The following NIPAL2 variants were observed in gnomAD, a reference collection of about 807,000 sequenced individuals.
The protein encoded by NIPAL2 is NIPA-like protein 2.
A neutral mutation model predicts 48.9 loss-of-function variants in NIPAL2; 43 were observed. The ratio of observed to expected loss-of-function variants is 0.88; its 90% CI spans 0.69 to 1.13. NIPAL2 has a LOEUF of 1.13. NIPAL2 is among the 50% of genes most tolerant of loss of function. The pLI, the probability that NIPAL2 is intolerant of heterozygous loss-of-function variation, is 0.00. For missense variants in NIPAL2, 446 were observed against 461.4 expected, an observed-to-expected ratio of 0.97 and a Z score of 0.31; for synonymous variants, 167 against 174.6, an observed-to-expected ratio of 0.96 and a Z score of 0.34.
chr8:98,249,936 A>G (rs77747900), intron 3 of NIPAL2, among the ~76,000 whole-genome samples: 2 of 151,984 alleles, frequency 1.3e-5, no homozygotes, highest in East Asian at 1.9e-4. Context: ...ACTAGTCCAC[A>G]TGTTTACCCG....
chr8:98,254,434 GA>G (rs1231619618), intron 1 of NIPAL2, among the ~76,000 whole-genome samples: 2 of 151,926 alleles, frequency 1.3e-5, no homozygotes, highest in Non-Finnish European at 2.9e-5. Context: ...ATATCTTTTG[GA>G]GGACTGTGAT....
chr8:98,288,336 C>T (rs1180773753), intron 1 of NIPAL2, among the ~76,000 whole-genome samples: 1 of 149,944 alleles, frequency 6.7e-6, no homozygotes, highest in East Asian at 1.9e-4. Context: ...TGATGATTTC[C>T]AATTTCATCC....
At chr8:98,198,487 CT>C (rs753347029) in intron 8 of NIPAL2, among the ~76,000 whole-genome samples, 3 of 152,242 alleles carry the variant, frequency 2.0e-5, no homozygotes, top group Non-Finnish European at 4.4e-5. Context: ...CAGACATTTA[CT>C]TCTCCTCTTT....
At chr8:98,220,507 C>T (rs550054603) in intron 5 of NIPAL2, among the ~76,000 whole-genome samples, 217 of 151,536 alleles carry the variant, frequency 1.4e-3, no homozygotes, top group Middle Eastern at 6.8e-3. Context: ...ACCTCCTGGG[C>T]TCAAGATCCT....
chr8:98,257,189 A>G (rs1813946466), intron 1 of NIPAL2, among the ~76,000 whole-genome samples: 1 of 152,318 alleles, frequency 6.6e-6, no homozygotes, highest in African/African-American at 2.4e-5. Flanking sequence ...GCTGACCAGC[A>G]TTAACATTAA....
intron 1 of NIPAL2, among the ~76,000 whole-genome samples, chr8:98,269,484 G>A (rs1359145796): frequency 6.6e-6 from 1 of 152,168 alleles, no homozygotes; most frequent in Non-Finnish European, 1.5e-5. Flanking sequence ...CATTGTCAAT[G>A]AGCAGTAATA....
At chr8:98,208,512 G>T (rs373626544) in intron 6 of NIPAL2, among the ~76,000 whole-genome samples, 1 of 151,978 alleles carries the variant, frequency 6.6e-6, no homozygotes, top group Admixed American at 6.6e-5. Flanking sequence ...GCAATGGTGC[G>T]ATCTTGGCTC....
chr8:98,275,976 T>G (rs1292042825), intron 1 of NIPAL2, among the ~76,000 whole-genome samples: 1 of 152,184 alleles, frequency 6.6e-6, no homozygotes, highest in Non-Finnish European at 1.5e-5. Flanking sequence ...ACAGCAAAAT[T>G]GAGAGGAAGG....
intron 1 of NIPAL2, among the ~76,000 whole-genome samples, chr8:98,259,078 T>C (rs888979194): frequency 7.6e-5 from 9 of 117,682 alleles, no homozygotes; most frequent in Non-Finnish European, 1.5e-4. Context: ...TCCTTTTTTT[T>C]TTTTTTTTTT....
At chr8:98,286,812 C>CAAAA (rs1182876107) in intron 1 of NIPAL2, among the ~76,000 whole-genome samples, 1 of 57,842 alleles carries the variant, frequency 1.7e-5, no homozygotes, top group Non-Finnish European at 3.4e-5. Flanking sequence ...GAGACTCTGT[C>CAAAA]AAAAAAAAAA....
intron 1 of NIPAL2, among the ~76,000 whole-genome samples, chr8:98,278,852 G>A (rs1029612618): frequency 3.9e-5 from 6 of 152,044 alleles, no homozygotes; most frequent in African/African-American, 1.4e-4. Context: ...TATAATAACC[G>A]AGGTTTGAAT....
At chr8:98,277,801 T>C (rs547420108) in intron 1 of NIPAL2, among the ~76,000 whole-genome samples, 2 of 152,332 alleles carry the variant, frequency 1.3e-5, no homozygotes, top group Admixed American at 6.5e-5. Flanking sequence ...CTCTAGAGCA[T>C]GTACTATTTC....
Position 98,205,127 on chromosome 8 carries a change from A to C in NIPAL2, c.775T>G (p.Cys259Gly). Residue 259 changes from cysteine to glycine, a missense_variant, in exon 7 of 11, where the codon TGT becomes GGT. Cys to Gly is a radical substitution (Grantham distance 159). Coordinates refer to ENST00000430223, the MANE Select transcript of NIPAL2 (RefSeq NM_001321635.2). ...CTAACTTACTTGACTTGGAAAACAC[A>C]AGATGCTATCATGATGATAAACATG... Reference protein sequence around the residue: ...YIMFIIMIASCVFQVKFLNQA... With the variant: ...YIMFIIMIASGVFQVKFLNQA... The C allele has an allele frequency of 6.2e-7, 1 of 1,613,662 alleles. No individual in the cohort carries two copies. Among genetic ancestry groups the C allele is most frequent in the South Asian group, 1.1e-5 (1 of 90,966 alleles).
intron 1 of NIPAL2, among the ~76,000 whole-genome samples, chr8:98,293,315 C>T (rs938821617): frequency 2.6e-5 from 4 of 152,174 alleles, no homozygotes; most frequent in Admixed American, 1.3e-4. Context: ...CAGAACACTT[C>T]CTCATCTTAA....
chr8:98,252,071 A>G (rs112101263), intron 3 of NIPAL2: 104 of 158,406 alleles, frequency 6.6e-4, no homozygotes, highest in African/African-American at 2.3e-3. Context: ...GAGATACTAA[A>G]CTATGAAGTC....
chr8:98,217,445 A>G (rs900794327), intron 5 of NIPAL2, among the ~76,000 whole-genome samples: 1 of 152,242 alleles, frequency 6.6e-6, no homozygotes, highest in African/African-American at 2.4e-5. Flanking sequence ...GCTCTTATTT[A>G]TACTTGGTAT....
At chr8:98,210,664 C>T (rs144233323) in intron 6 of NIPAL2, among the ~76,000 whole-genome samples, 1 of 152,302 alleles carries the variant, frequency 6.6e-6, no homozygotes, top group Admixed American at 6.5e-5. Flanking sequence ...GTCTAATTAT[C>T]TTCCATGAGC....
intron 6 of NIPAL2, among the ~76,000 whole-genome samples, chr8:98,212,091 C>A (rs1417643193): frequency 1.3e-5 from 2 of 152,130 alleles, no homozygotes; most frequent in East Asian, 3.8e-4. Context: ...TAATTGGGAT[C>A]ATTAATTTGT....
chr8:98,256,047 GCT>G (rs1340718198), intron 1 of NIPAL2, among the ~76,000 whole-genome samples: 1 of 151,024 alleles, frequency 6.6e-6, no homozygotes, highest in South Asian at 2.1e-4. Context: ...ACAGAATCTC[GCT>G]CTGTCACCCA....
Sources: gnomAD v4.1 joint callset for allele counts (sites outside exome capture counted in the v4.1 genomes callset) on GRCh38, gnomAD v4.1.1 for gene constraint, MANE v1.5 for transcripts, NCBI Gene and HGNC (gene_info 2026-07-23, HGNC 2026-07-21) for gene names.